The following ZNF33A variants were observed in gnomAD, a reference collection of about 807,000 sequenced individuals.
ZNF33A encodes the protein brain my041 protein.
Under a neutral mutation model 15.9 loss-of-function variants are expected in ZNF33A, and 9 were observed. The ratio of observed to expected loss-of-function variants is 0.57; its 90% CI spans 0.34 to 0.99. ZNF33A has a LOEUF of 0.99. Among genes scored for constraint, ZNF33A ranks in the 50% least tolerant of loss-of-function variants. The pLI is 0.02. For missense variants in ZNF33A, 843 were observed against 941.6 expected, an observed-to-expected ratio of 0.90 and a Z score of 1.37; for synonymous variants, 294 against 324.2, an observed-to-expected ratio of 0.91 and a Z score of 1.00.
At chr10:38,041,396 C>G (rs1364608594) in intron 4 of ZNF33A, among the ~76,000 whole-genome samples, 1 of 151,650 alleles carries the variant, frequency 6.6e-6, no homozygotes, top group Non-Finnish European at 1.5e-5. Flanking sequence ...ATTTATTTAC[C>G]TAGTGGTTGC....
At chr10:38,016,387 G>T (rs1171419578) in intron 2 of ZNF33A, among the ~76,000 whole-genome samples, 1 of 152,120 alleles carries the variant, frequency 6.6e-6, no homozygotes, top group African/African-American at 2.4e-5. Flanking sequence ...TGTGCTGTCT[G>T]CCATTTTGTT....
At chr10:38,027,337 A>G (rs1389050929) in intron 4 of ZNF33A, among the ~76,000 whole-genome samples, 6 of 151,356 alleles carry the variant, frequency 4.0e-5, no homozygotes, top group Non-Finnish European at 8.8e-5. Context: ...TCATTCATTC[A>G]TTCATTTATT....
intron 4 of ZNF33A, among the ~76,000 whole-genome samples, chr10:38,049,307 C>T (rs1399926082): frequency 2.0e-5 from 3 of 152,024 alleles, no homozygotes; most frequent in Admixed American, 2.0e-4. Flanking sequence ...CTATAATACT[C>T]ATTGATTTCA....
chr10:38,052,144 G>A (rs1005281415), intron 4 of ZNF33A, among the ~76,000 whole-genome samples: 5 of 152,006 alleles, frequency 3.3e-5, no homozygotes, highest in African/African-American at 9.7e-5. Flanking sequence ...AAAGAAAGGA[G>A]ATTAGAATAG....
chr10:38,064,071 T>TC, downstream of ZNF33A: 1 of 1,596,566 alleles, frequency 6.3e-7, no homozygotes, highest in Non-Finnish European at 8.5e-7. Flanking sequence ...GTTCTCACCA[T>TC]CCTTACTCCC....
rs763034467 is a variant in ZNF33A, at chr10:38,055,124, T to C, written c.1000T>C (p.Cys334Arg). 6.2e-7 allele frequency: 1 copy of C among 1,614,120 alleles called. No homozygotes were observed. The highest frequency in any genetic ancestry group is 1.3e-5 in the African/African-American group (1 of 75,058). ...KGEKHFECNE[C>R]GKAFWEKSHL... is the part of the protein sequence containing the mutation. ...AGAGAAACACTTTGAATGTAATGAATGTGGGAAAGCTTTCTGGGAGAAGTC... is the reference window on the plus strand; with the variant it reads ...AGAGAAACACTTTGAATGTAATGAACGTGGGAAAGCTTTCTGGGAGAAGTC... Residue 334 changes from cysteine (C) to arginine (R), a missense_variant, in exon 5 of 5, where the codon TGT (cysteine) becomes CGT (arginine). Coordinates refer to ENST00000432900, the MANE Select transcript of ZNF33A (RefSeq NM_006954.2).
intron 2 of ZNF33A, 75 bp downstream of exon 2, chr10:38,012,425 G>GGTT (rs2064228237): frequency 3.8e-6 from 2 of 527,982 alleles, no homozygotes; most frequent in Non-Finnish European, 2.8e-6. Flanking sequence ...TATGGTGTTT[G>GGTT]TTTTTTTTTT....
chr10:38,054,332 G>A (rs2472160), intron 4 of ZNF33A, 43 bp from the exon 5 acceptor site: 253,756 of 1,476,876 alleles, frequency 0.17, 23,387 homozygotes, highest in East Asian at 0.37. Flanking sequence ...CCTAAGAAAT[G>A]TTTTGGTATT....
At chr10:38,064,059 T>C, downstream of ZNF33A, 2 of 1,593,702 alleles carry the variant, frequency 1.3e-6, no homozygotes, top group Non-Finnish European at 8.5e-7. Flanking sequence ...TTTTCAAATA[T>C]TGTTCTCACC....
At chr10:38,053,948 T>C (rs541892204) in intron 4 of ZNF33A, among the ~76,000 whole-genome samples, 1 of 152,330 alleles carries the variant, frequency 6.6e-6, no homozygotes, top group East Asian at 1.9e-4. Context: ...TGAGTATCTG[T>C]TGCTTAGTGG....
At chr10:38,060,122 T>C, downstream of ZNF33A, 4 of 974,530 alleles carry the variant, frequency 4.1e-6, no homozygotes, top group Non-Finnish European at 4.9e-6. Context: ...TGACTGAACA[T>C]GTAAATCATC....
chr10:38,022,652 T>A (rs2135574956), intron 4 of ZNF33A, among the ~76,000 whole-genome samples: 1 of 103,562 alleles, frequency 9.7e-6, no homozygotes, highest in South Asian at 3.7e-4. Flanking sequence ...AGCAAAACTC[T>A]GTCTCAAAAA....
At chr10:38,032,394 A>T (rs959549555) in intron 4 of ZNF33A, among the ~76,000 whole-genome samples, 1 of 152,188 alleles carries the variant, frequency 6.6e-6, no homozygotes, top group African/African-American at 2.4e-5. Context: ...TTACGTGTAT[A>T]AATCAATCAT....
At chr10:38,041,109 C>T (rs2065678991) in intron 4 of ZNF33A, among the ~76,000 whole-genome samples, 1 of 152,026 alleles carries the variant, frequency 6.6e-6, no homozygotes, top group South Asian at 2.1e-4. Flanking sequence ...TTTTACATGA[C>T]ATGAATATAT....
At chr10:38,037,475 C>T (rs2065504555) in intron 4 of ZNF33A, among the ~76,000 whole-genome samples, 1 of 151,972 alleles carries the variant, frequency 6.6e-6, no homozygotes, top group Non-Finnish European at 1.5e-5. Context: ...AGGCATGCGC[C>T]ACCATGCTTG....
intron 4 of ZNF33A, among the ~76,000 whole-genome samples, chr10:38,046,049 G>A (rs533712515): frequency 6.6e-6 from 1 of 152,284 alleles, no homozygotes; most frequent in South Asian, 2.1e-4. Flanking sequence ...GGTGGGCATT[G>A]TACTCCGCTA....
chr10:38,044,663 A>C (rs1442099642), intron 4 of ZNF33A, among the ~76,000 whole-genome samples: 2 of 151,658 alleles, frequency 1.3e-5, no homozygotes, highest in Non-Finnish European at 2.9e-5. Flanking sequence ...TTTCCTTATG[A>C]ACATATTTAT....
At chr10:38,041,146 G>A (rs1262444374) in intron 4 of ZNF33A, among the ~76,000 whole-genome samples, 1 of 151,552 alleles carries the variant, frequency 6.6e-6, no homozygotes, top group African/African-American at 2.4e-5. Context: ...TATAGGTTTC[G>A]AGGGTACAAG....
At chr10:38,028,634 A>G (rs553242686) in intron 4 of ZNF33A, among the ~76,000 whole-genome samples, 1 of 151,980 alleles carries the variant, frequency 6.6e-6, no homozygotes, top group South Asian at 2.1e-4. Flanking sequence ...CATCCAGCTA[A>G]TTTTTGTGTC....
Sources: allele counts gnomAD v4.1 joint callset (sites outside exome capture counted in the v4.1 genomes callset), GRCh38; gene constraint gnomAD v4.1.1; transcripts MANE v1.5; gene names NCBI Gene and HGNC (gene_info 2026-07-23, HGNC 2026-07-21).